The following TXNRD2 variants were observed in gnomAD, a reference collection of about 807,000 sequenced individuals.
TXNRD2 encodes thioredoxin reductase 2, mitochondrial.
Under a neutral mutation model 70.8 loss-of-function variants are expected in TXNRD2, and 67 were observed. The observed-to-expected ratio is 0.95, with a 90% CI of 0.78 to 1.16. The LOEUF (loss-of-function observed/expected upper bound fraction) is 1.16, where lower values mean the gene tolerates loss of function less well. Among genes scored for constraint, TXNRD2 ranks in the 50% most tolerant of loss-of-function variants. TXNRD2 has a pLI of 0.00. For synonymous variants in TXNRD2, 301 were observed against 295.8 expected (o/e 1.02, Z -0.18); for missense variants, 644 against 719.9 (o/e 0.89, Z 1.21).
At chr22:19,878,535 C>A (rs568253335) in intron 14 of TXNRD2, 98 bp from the exon 15 acceptor site, 4 of 1,125,836 alleles carry the variant, frequency 3.6e-6, no homozygotes, top group Non-Finnish European at 4.1e-6. Context: ...AGGGTCATGG[C>A]GGGCAGGAAC....
intron 2 of TXNRD2, among the ~76,000 whole-genome samples, chr22:19,924,721 A>C (rs967921657): frequency 6.6e-6 from 1 of 152,248 alleles, no homozygotes; most frequent in Non-Finnish European, 1.5e-5. Context: ...GAAACTATCC[A>C]AAATGAAACG....
At chr22:19,897,411 A>G (rs1939558516) in intron 10 of TXNRD2, among the ~76,000 whole-genome samples, 1 of 152,174 alleles carries the variant, frequency 6.6e-6, no homozygotes, top group African/African-American at 2.4e-5. Flanking sequence ...CCAGACTTCT[A>G]TTTTAACAGG....
At chr22:19,906,771 G>A (rs1380580668) in intron 8 of TXNRD2, among the ~76,000 whole-genome samples, 1 of 152,200 alleles carries the variant, frequency 6.6e-6, no homozygotes, top group African/African-American at 2.4e-5. Flanking sequence ...AAGGCAGCAG[G>A]CAGTCGATGG....
intron 8 of TXNRD2, among the ~76,000 whole-genome samples, chr22:19,906,862 G>GCC (rs1940042736): frequency 8.1e-6 from 1 of 123,390 alleles, no homozygotes. Flanking sequence ...GAGTGTGGGC[G>GCC]CCGTGGGTAG....
intron 12 of TXNRD2, chr22:19,881,176 C>G: frequency 2.4e-6 from 1 of 410,580 alleles, no homozygotes; most frequent in Non-Finnish European, 4.3e-6. Flanking sequence ...CAGTCCATAA[C>G]AAATTCCAAA....
At chr22:19,910,381 A>T (rs987338524) in intron 8 of TXNRD2, among the ~76,000 whole-genome samples, 5 of 152,196 alleles carry the variant, frequency 3.3e-5, no homozygotes, top group Admixed American at 2.0e-4. Context: ...TGAGGGTGTT[A>T]GATGAGGGCT....
chr22:19,932,551 C>A (rs1281527363), intron 1 of TXNRD2: 1 of 1,491,718 alleles, frequency 6.7e-7, no homozygotes, highest in Admixed American at 2.1e-5. Context: ...GCCTGAGGTC[C>A]GGGACACCCA....
intron 12 of TXNRD2, 52 bp downstream of exon 12, chr22:19,883,273 G>T: frequency 1.2e-6 from 2 of 1,602,296 alleles, no homozygotes; most frequent in South Asian, 2.2e-5. Flanking sequence ...AGCGAGCAGG[G>T]GTGGTGGAGC....
intron 11 of TXNRD2, among the ~76,000 whole-genome samples, chr22:19,890,819 G>A (rs1687668588): frequency 6.6e-6 from 1 of 152,234 alleles, no homozygotes; most frequent in Non-Finnish European, 1.5e-5. Flanking sequence ...GCACAGCTGA[G>A]CAAAGACAGT....
intron 10 of TXNRD2, 51 bp downstream of exon 10, chr22:19,897,988 G>T: frequency 1.4e-6 from 2 of 1,478,478 alleles, no homozygotes; most frequent in Non-Finnish European, 1.8e-6. Context: ...GGGGGCTGTG[G>T]GAGGAAGGCC....
chr22:19,901,887 T>C (rs1281338503), intron 8 of TXNRD2, among the ~76,000 whole-genome samples: 1 of 152,076 alleles, frequency 6.6e-6, no homozygotes, highest in Non-Finnish European at 1.5e-5. Context: ...CTGGAACCAC[T>C]CAACTTACCG....
chr22:19,918,281 T>C (rs1940729017), intron 4 of TXNRD2, 64 bp from the exon 5 acceptor site: 5 of 1,330,418 alleles, frequency 3.8e-6, no homozygotes, highest in African/African-American at 2.9e-5. Context: ...GGCCTCACGA[T>C]GGACTATTAG....
At chr22:19,934,994 C>T (rs566159440) in intron 1 of TXNRD2, among the ~76,000 whole-genome samples, 297 of 152,238 alleles carry the variant, frequency 2.0e-3, no homozygotes, top group African/African-American at 6.4e-3. Flanking sequence ...GATTGTAAAA[C>T]GTGTGTTTGA....
chr22:19,928,624 G>C (rs191672232), intron 2 of TXNRD2, among the ~76,000 whole-genome samples: 29 of 152,310 alleles, frequency 1.9e-4, no homozygotes, highest in Admixed American at 6.5e-4. Context: ...GTTATGGGCT[G>C]AGCCATATCC....
chr22:19,915,462 G>C (rs1174076015), intron 6 of TXNRD2, among the ~76,000 whole-genome samples, 186 bp from the exon 7 acceptor site: 1 of 152,150 alleles, frequency 6.6e-6, no homozygotes, highest in Non-Finnish European at 1.5e-5. Flanking sequence ...TGGCAGGAGG[G>C]GGACAGGCAG....
chr22:19,895,645 G>C, intron 10 of TXNRD2, 64 bp from the exon 11 acceptor site: 1 of 1,584,694 alleles, frequency 6.3e-7, no homozygotes, highest in Non-Finnish European at 8.6e-7. Context: ...CTCTGGCCCT[G>C]CCCTGCTCTC....
intron 1 of TXNRD2, among the ~76,000 whole-genome samples, chr22:19,939,618 G>A (rs779567367): frequency 1.2e-4 from 19 of 152,244 alleles, no homozygotes; most frequent in Admixed American, 3.3e-4. Context: ...ACAGATGACC[G>A]TTGCACCGCT....
chr22:19,933,295 A>G (rs547101641), intron 1 of TXNRD2: 2 of 450,330 alleles, frequency 4.4e-6, no homozygotes, highest in East Asian at 7.0e-5. Context: ...TGGCTTTAAT[A>G]TAAGTCTAGA....
In TXNRD2 at chr22:19,915,746, G is replaced by A. The variant is rs746285839; in HGVS notation, c.528+19C>T. 29 of 1,613,198 alleles carry A rather than the reference G, an allele frequency of 1.8e-5. No homozygotes were observed. Among genetic ancestry groups the A allele is most frequent in the African/African-American group, 1.3e-4 (10 of 74,898 alleles). On this transcript the variant is annotated intron_variant, in intron 6 of 17. Coordinates refer to ENST00000400521, the MANE Select transcript of TXNRD2 (RefSeq NM_006440.5). ...CAGAAGGGTCCACAAGGAGCCACGCGAGTAAGTCAGATGCTCACCTCTTTC... is the reference window on the plus strand; with the variant it reads ...CAGAAGGGTCCACAAGGAGCCACGCAAGTAAGTCAGATGCTCACCTCTTTC...
Sources: allele counts gnomAD v4.1 joint callset (sites outside exome capture counted in the v4.1 genomes callset), GRCh38; gene constraint gnomAD v4.1.1; transcripts MANE v1.5; gene names NCBI Gene and HGNC (gene_info 2026-07-23, HGNC 2026-07-21).